SLC39A11: variants seen among roughly 807,000 people sequenced by gnomAD.
The protein encoded by SLC39A11 is solute carrier family 39 member 11.
SLC39A11 carries 33 observed loss-of-function variants against 36.1 expected under a neutral mutation model. The observed-to-expected ratio is 0.91, with a 90% CI of 0.69 to 1.22. The LOEUF (loss-of-function observed/expected upper bound fraction) is 1.22. Ranked by LOEUF, SLC39A11 falls within the 50% of genes most tolerant of loss-of-function variation. SLC39A11 has a pLI of 0.00. For synonymous variants in SLC39A11, 166 were observed against 170.3 expected, an observed-to-expected ratio of 0.97 and a Z score of 0.20; for missense variants, 432 against 430.3, an observed-to-expected ratio of 1.00 and a Z score of -0.03.
intron 4 of SLC39A11, among the ~76,000 whole-genome samples, chr17:73,003,736 C>A (rs991696161): frequency 6.6e-6 from 1 of 152,112 alleles, no homozygotes; most frequent in African/African-American, 2.4e-5. Context: ...CCTGAGTCAC[C>A]AAGATCCGGG....
chr17:72,721,199 C>G (rs4793480), intron 7 of SLC39A11, among the ~76,000 whole-genome samples: 1 of 151,528 alleles, frequency 6.6e-6, no homozygotes, highest in Admixed American at 6.6e-5. Context: ...TGGGTTCAAG[C>G]GATTCTCCCG....
chr17:72,940,903 A>G (rs1169534612), intron 5 of SLC39A11, among the ~76,000 whole-genome samples: 1 of 152,212 alleles, frequency 6.6e-6, no homozygotes, highest in African/African-American at 2.4e-5. Flanking sequence ...TAAGGGAGAT[A>G]GGATTTTTAA....
chr17:72,665,775 TTCTC>T (rs926297229), intron 7 of SLC39A11, among the ~76,000 whole-genome samples: 18 of 152,100 alleles, frequency 1.2e-4, no homozygotes, highest in East Asian at 1.9e-4. Flanking sequence ...AACCTAGTCT[TTCTC>T]TTTCTTTTTC....
intron 5 of SLC39A11, among the ~76,000 whole-genome samples, chr17:72,887,514 T>C (rs1175011700): frequency 1.3e-5 from 2 of 152,236 alleles, no homozygotes; most frequent in Non-Finnish European, 2.9e-5. Context: ...AATGTCAGAA[T>C]GCAACACTGC....
intron 4 of SLC39A11, among the ~76,000 whole-genome samples, chr17:73,016,627 C>T (rs2058177358): frequency 6.6e-6 from 1 of 152,246 alleles, no homozygotes; most frequent in Admixed American, 6.5e-5. Context: ...AGCCACCACA[C>T]CTCACTCCAA....
chr17:72,681,962 C>T (rs145404094), intron 7 of SLC39A11, among the ~76,000 whole-genome samples: 3 of 152,312 alleles, frequency 2.0e-5, no homozygotes, highest in East Asian at 3.9e-4. Context: ...AGGAGATGGG[C>T]GGCAGGCAAG....
intron 4 of SLC39A11, among the ~76,000 whole-genome samples, chr17:72,992,520 C>T (rs1173459563): frequency 6.6e-6 from 1 of 152,096 alleles, no homozygotes; most frequent in Non-Finnish European, 1.5e-5. Context: ...CGGTTTGCCC[C>T]TTTTCATTGA....
chr17:72,704,338 C>T (rs563536277), intron 7 of SLC39A11, among the ~76,000 whole-genome samples: 5 of 152,272 alleles, frequency 3.3e-5, no homozygotes, highest in African/African-American at 9.6e-5. Context: ...CGCAGCACCT[C>T]GATTTGGACC....
chr17:72,958,960 A>C (rs2086423801), intron 4 of SLC39A11, among the ~76,000 whole-genome samples: 1 of 152,106 alleles, frequency 6.6e-6, no homozygotes, highest in African/African-American at 2.4e-5. Context: ...TCAAAACCAC[A>C]ATGCAATAGC....
chr17:72,730,151 C>T (rs917835015), intron 7 of SLC39A11, among the ~76,000 whole-genome samples: 28 of 152,122 alleles, frequency 1.8e-4, no homozygotes, highest in Admixed American at 1.8e-3. Flanking sequence ...TTAATATCTG[C>T]GTCATCTACA....
At chr17:72,824,323 C>T (rs375792084) in intron 6 of SLC39A11, among the ~76,000 whole-genome samples, 1 of 151,354 alleles carries the variant, frequency 6.6e-6, no homozygotes. Flanking sequence ...TCTGCCATGA[C>T]TGAAGGTTTC....
In SLC39A11 at chr17:72,957,710, T is replaced by C. The variant is rs557034260; in HGVS notation, c.307-9835A>G. On this transcript the variant is annotated intron_variant, in intron 4 of 9. Transcript: ENST00000255559. ...AGTGCACACTTGTAGTCCCAGCTACTGGGGAGGCTGAGGCAGGAGAATCTC... is the reference window on the plus strand; with the variant it reads ...AGTGCACACTTGTAGTCCCAGCTACCGGGGAGGCTGAGGCAGGAGAATCTC... Among the ~76,000 whole-genome samples the C allele has an allele frequency of 3.9e-5, 6 of 152,094 alleles. No individual in the cohort carries two copies. In the East Asian group the frequency reaches 1.2e-3, roughly 29 times the overall value.
chr17:72,700,883 C>T lies in SLC39A11; in HGVS notation c.671+35767G>A, dbSNP rs116564317. On this transcript the variant is annotated intron_variant, in intron 7 of 9. Transcript: ENST00000255559. ...TACCATGAGAACAGCATATGGGAAACCACCCCCATGATTCAATTATCTCCC... is the reference window on the plus strand; with the variant it reads ...TACCATGAGAACAGCATATGGGAAATCACCCCCATGATTCAATTATCTCCC... 2.8e-3 allele frequency among the ~76,000 whole-genome samples: 425 copies of T among 152,308 alleles called. 1 individual carries two copies. Among genetic ancestry groups the T allele is most frequent in the African/African-American group, 9.6e-3 (401 of 41,568 alleles).
At chr17:72,966,796 C>T (rs1169733977) in intron 4 of SLC39A11, among the ~76,000 whole-genome samples, 1 of 152,162 alleles carries the variant, frequency 6.6e-6, no homozygotes, top group Non-Finnish European at 1.5e-5. Context: ...GTCTTGATCT[C>T]CTGACCTCGT....
intron 2 of SLC39A11, among the ~76,000 whole-genome samples, chr17:73,087,979 C>T (rs186136688): frequency 1.3e-5 from 2 of 152,254 alleles, no homozygotes; most frequent in African/African-American, 2.4e-5. Context: ...TCTTCGGTCA[C>T]GCATAGTACC....
intron 7 of SLC39A11, among the ~76,000 whole-genome samples, chr17:72,671,152 A>G (rs1045308961): frequency 1.3e-5 from 2 of 152,184 alleles, no homozygotes; most frequent in African/African-American, 4.8e-5. Flanking sequence ...TTCAGATAAG[A>G]TGCTCTCAAA....
chr17:72,712,770 G>A (rs1022550796), intron 7 of SLC39A11: 1 of 152,144 alleles, frequency 6.6e-6, no homozygotes, highest in African/African-American at 2.4e-5. Flanking sequence ...AGACAACAGA[G>A]TGAAACATTT....
intron 4 of SLC39A11, among the ~76,000 whole-genome samples, chr17:72,990,874 C>A (rs889922089): frequency 1.3e-5 from 2 of 152,162 alleles, no homozygotes; most frequent in African/African-American, 4.8e-5. Flanking sequence ...TACTGTTATA[C>A]AAAGTACGGA....
chr17:73,084,694 G>A, intron 3 of SLC39A11, 114 bp downstream of exon 3: 2 of 948,450 alleles, frequency 2.1e-6, no homozygotes, highest in Non-Finnish European at 3.4e-6. Flanking sequence ...TAGTGCCTGA[G>A]GAACACAGAG....
Sources: allele counts gnomAD v4.1 joint callset (sites outside exome capture counted in the v4.1 genomes callset), GRCh38; gene constraint gnomAD v4.1.1; transcripts MANE v1.5; gene names NCBI Gene and HGNC (gene_info 2026-07-23, HGNC 2026-07-21).